Variants in ANKS3 observed in about 807,000 individuals in gnomAD.
ANKS3 encodes ankyrin repeat and SAM domain-containing protein 3.
Under a neutral mutation model 80.7 loss-of-function variants are expected in ANKS3, and 62 were observed. The ratio of observed to expected loss-of-function variants is 0.77; its 90% CI spans 0.63 to 0.95. ANKS3 has a LOEUF of 0.95. ANKS3 is among the 40% of genes least tolerant of loss of function. The pLI is 0.00. For missense variants in ANKS3, 1,150 were observed against 883.6 expected, an observed-to-expected ratio of 1.30 and a Z score of -3.82; for synonymous variants, 489 against 355.3, an observed-to-expected ratio of 1.38 and a Z score of -4.23.
At chr16:4,698,681 G>A (rs915743142) in intron 13 of ANKS3, 82 bp from the exon 14 acceptor site, 13 of 1,525,314 alleles carry the variant, frequency 8.5e-6, no homozygotes, top group African/African-American at 1.4e-5. Flanking sequence ...TCCTGTGTGT[G>A]GGGCCCTCTC....
intron 6 of ANKS3, among the ~76,000 whole-genome samples, chr16:4,722,114 C>T (rs1036325286): frequency 4.0e-5 from 6 of 151,310 alleles, no homozygotes; most frequent in African/African-American, 1.5e-4. Flanking sequence ...CTGCGGTGCA[C>T]CCACCTTCTG....
At chr16:4,715,090 G>C (rs147009776) in intron 6 of ANKS3, among the ~76,000 whole-genome samples, 90 of 150,816 alleles carry the variant, frequency 6.0e-4, no homozygotes, top group African/African-American at 2.0e-3. Flanking sequence ...GGGATAAGCA[G>C]TCAGTTCTGT....
Position 4,697,927 on chromosome 16 carries a change from C to A in ANKS3, c.1810+50G>T, listed in dbSNP as rs141645201. ...CACTGGGTCAAACCTGGCTTCAGGG[C>A]TCCCCCACCTTCCCCTCTGCCCAGT... is the stretch of plus-strand genomic sequence containing the variant. On this transcript the variant is annotated intron_variant, in intron 15 of 17. Coordinates refer to ENST00000304283, the MANE Select transcript of ANKS3 (RefSeq NM_133450.4). 6.7e-4 allele frequency: 968 copies of A among 1,445,724 alleles called. 6 individuals carry two copies. In the African/African-American group the frequency reaches 0.012, roughly 18 times the overall value. The allele number at this position is 1,445,724 out of a possible 1,614,324, so 89.6% of individuals were successfully genotyped here.
chr16:4,710,685 G>A (rs1038113598), intron 7 of ANKS3, among the ~76,000 whole-genome samples: 1 of 152,120 alleles, frequency 6.6e-6, no homozygotes, highest in Admixed American at 6.6e-5. Flanking sequence ...ACTCCAGCCT[G>A]GGTGACAAAG....
At chr16:4,715,286 A>C (rs1489363884) in intron 6 of ANKS3, among the ~76,000 whole-genome samples, 2 of 152,178 alleles carry the variant, frequency 1.3e-5, no homozygotes, top group African/African-American at 4.8e-5. Flanking sequence ...CAAGAAAAAA[A>C]AATAAACTAT....
chr16:4,715,962 C>T (rs555008739), intron 6 of ANKS3, among the ~76,000 whole-genome samples: 8 of 152,180 alleles, frequency 5.3e-5, no homozygotes, highest in Admixed American at 1.3e-4. Flanking sequence ...TAATGAGCTA[C>T]GTGAGAGCAT....
chr16:4,714,990 CAAAA>C (rs753327026), intron 6 of ANKS3, among the ~76,000 whole-genome samples: 36 of 36,620 alleles, frequency 9.8e-4, no homozygotes, highest in African/African-American at 4.3e-3. Context: ...GACTCTGTCT[CAAAA>C]AAAAAAAAAA....
intron 11 of ANKS3, chr16:4,700,752 A>G: frequency 1.3e-6 from 1 of 747,666 alleles, no homozygotes; most frequent in Non-Finnish European, 2.4e-6. Flanking sequence ...GCAGGGAGAC[A>G]GGTCCTTTCC....
chr16:4,710,129 TG>T (rs1357147898), intron 7 of ANKS3, among the ~76,000 whole-genome samples: 1 of 151,732 alleles, frequency 6.6e-6, no homozygotes, highest in Non-Finnish European at 1.5e-5. Context: ...AGGTTGGGGG[TG>T]GGGAGGTAGT....
At chr16:4,733,700 C>G (rs982857226) in intron 1 of ANKS3, among the ~76,000 whole-genome samples, 1 of 152,174 alleles carries the variant, frequency 6.6e-6, no homozygotes, top group Non-Finnish European at 1.5e-5. Flanking sequence ...TTATTACGAA[C>G]TGCATGCCTG....
At chr16:4,725,951 C>A (rs542382234) in intron 5 of ANKS3, among the ~76,000 whole-genome samples, 2 of 149,932 alleles carry the variant, frequency 1.3e-5, no homozygotes, top group Non-Finnish European at 3.0e-5. Flanking sequence ...AGCCACTGAG[C>A]CCGGCCAAAA....
intron 6 of ANKS3, among the ~76,000 whole-genome samples, chr16:4,717,055 A>T (rs1344863163): frequency 6.7e-6 from 1 of 150,118 alleles, no homozygotes; most frequent in Non-Finnish European, 1.5e-5. Flanking sequence ...AATGTGGGAA[A>T]ACGTGGTAAA....
intron 7 of ANKS3, among the ~76,000 whole-genome samples, chr16:4,713,264 C>T (rs1345636158): frequency 1.3e-5 from 2 of 151,494 alleles, no homozygotes; most frequent in Non-Finnish European, 2.9e-5. Flanking sequence ...GCGAAACTCC[C>T]GTATCAAAAA....
In ANKS3 at chr16:4,696,768, C is replaced by A; in HGVS notation, c.*140G>T. The A allele has an allele frequency of 1.8e-6, 1 of 558,618 alleles. No individual in the cohort carries two copies. The highest frequency in any genetic ancestry group is 3.2e-6 in the Non-Finnish European group (1 of 310,568). 34.6% of individuals were successfully genotyped at this position (558,618 alleles called of 1,614,324 possible). ...CAGCCCCCGTCTTGCCTCTGTCTGC[C>A]GGCTGCTCCCGGGGCCTGATCCTCT... On this transcript the variant is annotated 3_prime_UTR_variant, in exon 18 of 18. Coordinates refer to ENST00000304283, the MANE Select transcript of ANKS3 (RefSeq NM_133450.4).
rs754703631 is a variant in ANKS3, at chr16:4,697,383, A to G, written c.1844T>C (p.Met615Thr). Residue 615 changes from methionine (M) to threonine (T), a missense_variant, in exon 16 of 18, where the codon ATG (methionine) becomes ACG (threonine). By Grantham distance (81) the Met-to-Thr change is moderately conservative (BLOSUM62 -1). Coordinates refer to ENST00000304283, the MANE Select transcript of ANKS3 (RefSeq NM_133450.4). ...SKGWQASLQA[M>T]SLPELSGALE... ...GGCTCCCGAGAGCTCGGGGAGGCTC[A>G]TGGCCTGCAGGGACGCTTGCCAGCC... 1.2e-6 allele frequency: 2 copies of G among 1,610,450 alleles called. No individual in the cohort carries two copies. The highest frequency in any genetic ancestry group is 2.2e-5 in the South Asian group (2 of 90,974).
chr16:4,697,262 C>T, intron 16 of ANKS3, 71 bp downstream of exon 16: 1 of 1,551,982 alleles, frequency 6.4e-7, no homozygotes, highest in Non-Finnish European at 8.8e-7. Flanking sequence ...CCCGCTTTCC[C>T]TGGAAAGGGG....
At chr16:4,697,682 G>A (rs535057377) in intron 15 of ANKS3, among the ~76,000 whole-genome samples, 4 of 152,232 alleles carry the variant, frequency 2.6e-5, no homozygotes, top group Non-Finnish European at 4.4e-5. Flanking sequence ...GGCCCTGGCT[G>A]GAGGCTACAG....
intron 7 of ANKS3, among the ~76,000 whole-genome samples, chr16:4,708,912 C>A (rs11859992): frequency 6.6e-6 from 1 of 150,888 alleles, no homozygotes; most frequent in African/African-American, 2.4e-5. Context: ...GCACTCCAGC[C>A]TGGGCAACAG....
chr16:4,725,922 T>A (rs2081323805), intron 5 of ANKS3, among the ~76,000 whole-genome samples: 1 of 147,646 alleles, frequency 6.8e-6, no homozygotes. Flanking sequence ...CCTCCCAGAG[T>A]GCTAGGATTA....
Sources: allele counts gnomAD v4.1 joint callset (sites outside exome capture counted in the v4.1 genomes callset), GRCh38; gene constraint gnomAD v4.1.1; transcripts MANE v1.5; gene names NCBI Gene and HGNC (gene_info 2026-07-23, HGNC 2026-07-21).